The following CATSPERG variants were observed in gnomAD, a reference collection of about 807,000 sequenced individuals.
CATSPERG encodes the protein catsper channel auxiliary subunit gamma, also known as cation channel sperm-associated auxiliary subunit gamma.
A neutral mutation model predicts 145.0 loss-of-function variants in CATSPERG; 115 were observed. The ratio of observed to expected loss-of-function variants is 0.79; its 90% CI spans 0.68 to 0.93. The LOEUF (loss-of-function observed/expected upper bound fraction) is 0.93. Among genes scored for constraint, CATSPERG ranks in the 40% least tolerant of loss-of-function variants. The pLI is 0.00. For synonymous variants in CATSPERG, 588 were observed against 589.0 expected (o/e 1.00, Z 0.02); for missense variants, 1,296 against 1,490.1 (o/e 0.87, Z 2.14).
In CATSPERG at chr19:38,362,207, C is replaced by G; in HGVS notation, c.2095-3C>G. 6.3e-7 allele frequency: 1 copy of G among 1,589,500 alleles called. No individual in the cohort carries two copies. Among genetic ancestry groups the G allele is most frequent in the South Asian group, 1.1e-5 (1 of 89,012 alleles). On this transcript the variant is annotated splice_polypyrimidine_tract_variant and splice_region_variant and intron_variant, in intron 17 of 28. Coordinates refer to ENST00000409235, the MANE Select transcript of CATSPERG (RefSeq NM_021185.5). ...CCTTCACGGTGCCGGGCGATCCCTG[C>G]AGCCGTACGCGGACCCGGTGCACGA...
intron 8 of CATSPERG, among the ~76,000 whole-genome samples, 158 bp from the exon 9 acceptor site, chr19:38,354,552 G>C (rs1046843486): frequency 6.6e-6 from 1 of 152,158 alleles, no homozygotes; most frequent in Non-Finnish European, 1.5e-5. Context: ...CAAAGGCAGC[G>C]GGTGCCCTCT....
At chr19:38,369,192 T>C (rs144504884) in intron 26 of CATSPERG, among the ~76,000 whole-genome samples, 8 of 152,300 alleles carry the variant, frequency 5.3e-5, no homozygotes, top group African/African-American at 1.7e-4. Context: ...AATGAAGCCA[T>C]GAGCAAATGA....
In CATSPERG at chr19:38,358,473, T is replaced by C. The variant is rs1970286134; in HGVS notation, c.1408T>C (p.Tyr470His). Residue 470 changes from tyrosine to histidine, a missense_variant, in exon 13 of 29, where the codon TAC becomes CAC. Tyr to His is a moderately conservative substitution (Grantham distance 83). Coordinates refer to ENST00000409235, the MANE Select transcript of CATSPERG (RefSeq NM_021185.5). ...CCTGATGATCCTAGGGACAGAGTCC[T>C]ACACCAGCACTGCAATGGCCCCCAA... Reference protein sequence around the residue: ...EFLMILGTESYTSTAMAPKGI... With the variant: ...EFLMILGTESHTSTAMAPKGI... 1 of 1,614,186 alleles carries C rather than the reference T, an allele frequency of 6.2e-7. No homozygotes were observed.
chr19:38,343,571 C>A lies in CATSPERG; in HGVS notation c.325-9C>A. ...TAAGGACACACTTGTGGGGCCATCTCACCCTCAGCCCTCTGAGGACCTGGT... is the reference window on the plus strand; with the variant it reads ...TAAGGACACACTTGTGGGGCCATCTAACCCTCAGCCCTCTGAGGACCTGGT... On this transcript the variant is annotated splice_polypyrimidine_tract_variant and intron_variant, in intron 3 of 28. Transcript: ENST00000409235. 6.5e-7 allele frequency: 1 copy of A among 1,541,578 alleles called. No individual in the cohort carries two copies.
chr19:38,346,391 A>G, intron 6 of CATSPERG, 59 bp from the exon 7 acceptor site: 1 of 1,457,738 alleles, frequency 6.9e-7, no homozygotes, highest in Non-Finnish European at 9.2e-7. Flanking sequence ...GACCTAAATG[A>G]GATGGAGTCT....
intron 16 of CATSPERG, 37 bp downstream of exon 16, chr19:38,360,880 C>G: frequency 6.6e-7 from 1 of 1,503,952 alleles, no homozygotes; most frequent in South Asian, 1.2e-5. Context: ...GGTCTGAGGG[C>G]TCCCGGCACT....
chr19:38,343,336 C>T (rs535995091), intron 3 of CATSPERG, among the ~76,000 whole-genome samples: 137 of 152,266 alleles, frequency 9.0e-4, no homozygotes, highest in Non-Finnish European at 5.3e-4. Context: ...GACACTGGCT[C>T]TGGAGTCATC....
chr19:38,361,745 T>C lies in CATSPERG; in HGVS notation c.1978T>C (p.Tyr660His), dbSNP rs772316760. 6.2e-7 allele frequency: 1 copy of C among 1,612,228 alleles called. No individual in the cohort carries two copies. The highest frequency in any genetic ancestry group is 1.7e-5 in the Admixed American group (1 of 59,868). Residue 660 changes from tyrosine (Y) to histidine (H), a missense_variant, in exon 17 of 29, where the codon TAC (tyrosine) becomes CAC (histidine). Tyr to His is a moderately conservative substitution (Grantham distance 83, BLOSUM62 2). Transcript: ENST00000409235. The stretch of plus-strand genomic sequence containing the variant: ...GCAGAGATACACGCGCCAGGAGCGC[T>C]ACCGGGCGCGGCCGCCGCGCGTCCT... ...SPQRYTRQER[Y>H]RARPPRVLER...
At chr19:38,347,812 G>T (rs1970065545) in intron 7 of CATSPERG, among the ~76,000 whole-genome samples, 1 of 151,986 alleles carries the variant, frequency 6.6e-6, no homozygotes, top group African/African-American at 2.4e-5. Flanking sequence ...ATGGTGGCAG[G>T]CACCTGTAAT....
At position 38,365,112 on chromosome 19, in the gene CATSPERG, A is replaced by AT; in HGVS notation, c.2609dup (p.Met870IlefsTer39). Reference sequence around the variant, plus strand: ...CCAGGAAACACACCTGGGGCCCCATATGCAAGTATTGGAGCTTGGGATACT... The same window carrying AT: ...CCAGGAAACACACCTGGGGCCCCATATTGCAAGTATTGGAGCTTGGGATACT... On this transcript the variant is annotated frameshift_variant, in exon 22 of 29. Coordinates refer to ENST00000409235, the MANE Select transcript of CATSPERG (RefSeq NM_021185.5). LOFTEE classifies it high-confidence loss of function. The AT allele has an allele frequency of 6.2e-7, 1 of 1,613,410 alleles. No individual in the cohort carries two copies. Among genetic ancestry groups the AT allele is most frequent in the Non-Finnish European group, 8.5e-7 (1 of 1,179,924 alleles).
intron 24 of CATSPERG, 32 bp downstream of exon 24, chr19:38,367,604 G>T: frequency 6.2e-7 from 1 of 1,613,258 alleles, no homozygotes; most frequent in Non-Finnish European, 8.5e-7. Context: ...AGCTAGGGCA[G>T]GTGGAGGGAG....
intron 7 of CATSPERG, among the ~76,000 whole-genome samples, chr19:38,351,576 C>T (rs1188885939): frequency 6.6e-6 from 1 of 151,270 alleles, no homozygotes; most frequent in African/African-American, 2.4e-5. Flanking sequence ...CCACTGCACT[C>T]CAGCCTGGGT....
At chr19:38,350,410 T>G (rs981977730) in intron 7 of CATSPERG, among the ~76,000 whole-genome samples, 1 of 152,076 alleles carries the variant, frequency 6.6e-6, no homozygotes, top group Non-Finnish European at 1.5e-5. Flanking sequence ...GGAGTTTCGC[T>G]CTTGTCACCC....
At chr19:38,344,854 CAG>C (rs1330643703) in intron 6 of CATSPERG, among the ~76,000 whole-genome samples, 1 of 114,274 alleles carries the variant, frequency 8.8e-6, no homozygotes, top group Non-Finnish European at 1.8e-5. Flanking sequence ...TGTACATGAA[CAG>C]ACACACACAC....
At chr19:38,364,478 T>G (rs545177662) in intron 20 of CATSPERG, among the ~76,000 whole-genome samples, 1 of 149,990 alleles carries the variant, frequency 6.7e-6, no homozygotes, top group Non-Finnish European at 1.5e-5. Context: ...TCCCAGACGA[T>G]GGGCAGCCAG....
chr19:38,369,930 AGGCAT>A (rs1266319726), intron 26 of CATSPERG, 37 bp from the exon 27 acceptor site: 1 of 1,589,964 alleles, frequency 6.3e-7, no homozygotes, highest in East Asian at 2.2e-5. Context: ...GGCACAGACT[AGGCAT>A]GGTTGGTAGC....
At position 38,362,574 on chromosome 19, in the gene CATSPERG, G is replaced by C. The variant is rs781044564; in HGVS notation, c.2356G>C (p.Gly786Arg). 1 of 1,613,840 alleles carries C rather than the reference G, an allele frequency of 6.2e-7. No homozygotes were observed. Among genetic ancestry groups the C allele is most frequent in the Non-Finnish European group, 8.5e-7 (1 of 1,179,982 alleles). Reference protein sequence around the residue: ...GHSFRTQSELGTAFQLHSQVD... With the variant: ...GHSFRTQSELRTAFQLHSQVD... ...CTCGTTCCGGACGCAGTCAGAACTC[G>C]GTCTGCGCGGGACCAGAGTGGAGCC... Residue 786 changes from glycine (G) to arginine (R), a missense_variant and splice_region_variant, in exon 19 of 29, where the codon GGC (glycine) becomes CGC (arginine). Coordinates refer to ENST00000409235, the MANE Select transcript of CATSPERG (RefSeq NM_021185.5).
At chr19:38,365,154 A>G (rs1256789422) in intron 22 of CATSPERG, 37 bp downstream of exon 22, 1 of 1,595,488 alleles carries the variant, frequency 6.3e-7, no homozygotes, top group Non-Finnish European at 8.6e-7. Context: ...TGGGAGGGGA[A>G]GGTTGGGGTC....
rs1273070831 is a variant in CATSPERG at position 38,337,208 on chromosome 19, C to T, written c.-14-13C>T. On this transcript the variant is annotated splice_polypyrimidine_tract_variant and intron_variant, in intron 1 of 28. Transcript: ENST00000409235. Reference sequence around the variant, plus strand: ...CTGTCCGGCGCGTGGGTGTTGACTCCTGCGTTCTCCAGGTTCTAGCCACGT... The same window carrying T: ...CTGTCCGGCGCGTGGGTGTTGACTCTTGCGTTCTCCAGGTTCTAGCCACGT... 2.6e-6 allele frequency: 4 copies of T among 1,548,436 alleles called. No homozygotes were observed. Among genetic ancestry groups the T allele is most frequent in the East Asian group, 4.9e-5 (2 of 40,870 alleles).
Sources: allele counts gnomAD v4.1 joint callset (sites outside exome capture counted in the v4.1 genomes callset), GRCh38; gene constraint gnomAD v4.1.1; transcripts MANE v1.5; gene names NCBI Gene and HGNC (gene_info 2026-07-23, HGNC 2026-07-21).